The following LNP1 variants were observed in gnomAD, a reference collection of about 807,000 sequenced individuals.
LNP1 encodes leukemia NUP98 fusion partner 1.
A neutral mutation model predicts 14.5 loss-of-function variants in LNP1; 12 were observed. The ratio of observed to expected loss-of-function variants is 0.83; its 90% confidence interval spans 0.53 to 1.34. LNP1 has a LOEUF of 1.34. Ranked by LOEUF, LNP1 falls within the 40% of genes most tolerant of loss-of-function variation. The pLI, the probability that LNP1 is intolerant of heterozygous loss-of-function variation, is 0.00. For missense variants in LNP1, 198 were observed against 210.9 expected, an observed-to-expected ratio of 0.94 and a Z score of 0.38; for synonymous variants, 75 against 71.4, an observed-to-expected ratio of 1.05 and a Z score of -0.26.
At chr3:100,433,262 CCT>C (rs1014298922) in intron 2 of LNP1, among the ~76,000 whole-genome samples, 5 of 152,116 alleles carry the variant, frequency 3.3e-5, no homozygotes, top group African/African-American at 1.2e-4. Flanking sequence ...TGTTCCCCTC[CCT>C]ATGTCCATGT....
At chr3:100,430,331 A>C (rs1707230815) in intron 2 of LNP1, among the ~76,000 whole-genome samples, 1 of 152,188 alleles carries the variant, frequency 6.6e-6, no homozygotes, top group Non-Finnish European at 1.5e-5. Flanking sequence ...ACCTTTGAGA[A>C]ATTTGACATA....
At chr3:100,409,141 C>T (rs949782827) in intron 1 of LNP1, among the ~76,000 whole-genome samples, 3 of 152,060 alleles carry the variant, frequency 2.0e-5, no homozygotes, top group African/African-American at 7.2e-5. Flanking sequence ...CCAAATAGAA[C>T]AAAACTTGAC....
In LNP1 at chr3:100,418,699, C is replaced by T. The variant is rs545068322; in HGVS notation, c.-33-10998C>T. On this transcript the variant is annotated intron_variant, in intron 1 of 3. Coordinates refer to ENST00000383693, the MANE Select transcript of LNP1 (RefSeq NM_001085451.2). The stretch of plus-strand genomic sequence containing the variant: ...TCCCCATCCCATTTGGTTTTAGATC[C>T]GCTCTTTTCTTTATCTCTGTTGTCC... Among the ~76,000 whole-genome samples, 17 of 152,046 alleles carry T rather than the reference C, an allele frequency of 1.1e-4. 1 individual carries two copies. Among genetic ancestry groups the T allele is most frequent in the African/African-American group, 1.9e-4 (8 of 41,378 alleles).
chr3:100,434,215 T>A (rs890305468), intron 2 of LNP1, among the ~76,000 whole-genome samples: 1 of 152,218 alleles, frequency 6.6e-6, no homozygotes, highest in Non-Finnish European at 1.5e-5. Flanking sequence ...CATTTAAGTC[T>A]TTAATCCATC....
chr3:100,451,122 A>G (rs1707434204), intron 2 of LNP1, among the ~76,000 whole-genome samples: 1 of 151,994 alleles, frequency 6.6e-6, no homozygotes, highest in Non-Finnish European at 1.5e-5. Flanking sequence ...CAAAATGTGA[A>G]CCCCCAAAAT....
chr3:100,439,567 CA>C (rs1226858634), intron 2 of LNP1, among the ~76,000 whole-genome samples: 7 of 152,176 alleles, frequency 4.6e-5, no homozygotes. Context: ...GTTCAGTCAG[CA>C]CACATTCACA....
Position 100,455,839 on chromosome 3 carries a change from A to G in LNP1, c.450A>G (p.Arg150=). The G allele has an allele frequency of 6.2e-7, 1 of 1,614,122 alleles. No homozygotes were observed. Among genetic ancestry groups the G allele is most frequent in the Non-Finnish European group, 8.5e-7 (1 of 1,179,952 alleles). ...RECLRMEIKS[R]KKVEEERSSR... ...GCCTGAGGATGGAGATAAAATCCCG[A>G]AAGAAAGTAGAGGAAGAAAGGAGCT... Residue 150 remains arginine, a synonymous_variant, in exon 4 of 4, where the codon CGA becomes CGG. Transcript: ENST00000383693.
In LNP1 at chr3:100,456,055, G is replaced by T. The variant is rs1707508107; in HGVS notation, c.*129G>T. The T allele has an allele frequency of 6.5e-6, 6 of 918,812 alleles. No individual in the cohort carries two copies. Among genetic ancestry groups the T allele is most frequent in the Admixed American group, 2.5e-5 (1 of 39,526 alleles). 56.9% of individuals were successfully genotyped at this position (918,812 alleles called of 1,614,324 possible). A position where few individuals can be genotyped will look rare whatever the true frequency, so the allele number is the denominator to read the frequency against. Reference sequence around the variant, plus strand: ...AAAACAGCTATAAAAAGCAACTGCAGATGCTGACTGACTGCAGTGGGCAGG... The same window carrying T: ...AAAACAGCTATAAAAAGCAACTGCATATGCTGACTGACTGCAGTGGGCAGG... On this transcript the variant is annotated 3_prime_UTR_variant, in exon 4 of 4. Transcript: ENST00000383693.
At chr3:100,441,281 G>A (rs2148906083) in intron 2 of LNP1, among the ~76,000 whole-genome samples, 1 of 152,324 alleles carries the variant, frequency 6.6e-6, no homozygotes, top group East Asian at 1.9e-4. Context: ...AGACCAAAAA[G>A]TGCACAGAAT....
chr3:100,450,656 T>C (rs909855874), intron 2 of LNP1, among the ~76,000 whole-genome samples: 5 of 152,132 alleles, frequency 3.3e-5, no homozygotes, highest in African/African-American at 1.2e-4. Flanking sequence ...ATCTTAACTT[T>C]AGCCAAGACA....
chr3:100,451,613 A>G (rs547029958), intron 2 of LNP1, 106 bp from the exon 3 acceptor site: 2 of 627,664 alleles, frequency 3.2e-6, no homozygotes, highest in South Asian at 2.1e-5. Context: ...ATAATATATC[A>G]ATTCAACATG....
At chr3:100,404,559 T>G (rs1706945265) in intron 1 of LNP1, among the ~76,000 whole-genome samples, 1 of 152,224 alleles carries the variant, frequency 6.6e-6, no homozygotes, top group African/African-American at 2.4e-5. Context: ...TATTAGAATA[T>G]GTCTTCTTCT....
At chr3:100,415,451 A>G (rs1270951667) in intron 1 of LNP1, among the ~76,000 whole-genome samples, 1 of 152,248 alleles carries the variant, frequency 6.6e-6, no homozygotes, top group African/African-American at 2.4e-5. Context: ...TTTTGCATCT[A>G]CAATATTGGC....
chr3:100,445,098 C>A (rs1030467061), intron 2 of LNP1, among the ~76,000 whole-genome samples: 4 of 152,082 alleles, frequency 2.6e-5, no homozygotes, highest in Non-Finnish European at 5.9e-5. Flanking sequence ...CATGGTGAAA[C>A]CCCATCTCTA....
intron 1 of LNP1, among the ~76,000 whole-genome samples, chr3:100,404,745 A>G (rs1484707226): frequency 6.6e-6 from 1 of 150,544 alleles, no homozygotes; most frequent in East Asian, 1.9e-4. Context: ...TTTGTCAAAA[A>G]TATAACTCAT....
chr3:100,453,949 C>A (rs1707485062), intron 3 of LNP1, among the ~76,000 whole-genome samples: 1 of 152,170 alleles, frequency 6.6e-6, no homozygotes, highest in Non-Finnish European at 1.5e-5. Context: ...TACCGAGGTT[C>A]ATGTCCCTGT....
At chr3:100,431,992 T>TA (rs1707246938) in intron 2 of LNP1, among the ~76,000 whole-genome samples, 2 of 34,680 alleles carry the variant, frequency 5.8e-5, no homozygotes, top group Non-Finnish European at 1.5e-4. Flanking sequence ...GAGACCTTGT[T>TA]TATATATATA....
intron 2 of LNP1, among the ~76,000 whole-genome samples, chr3:100,447,887 A>G (rs1707403539): frequency 6.6e-6 from 1 of 152,116 alleles, no homozygotes; most frequent in East Asian, 1.9e-4. Context: ...ATAAGCTTTG[A>G]ATTAGACAAA....
intron 1 of LNP1, among the ~76,000 whole-genome samples, chr3:100,423,925 T>C (rs1707169125): frequency 6.6e-6 from 1 of 152,200 alleles, no homozygotes; most frequent in South Asian, 2.1e-4. Context: ...AGGAGTGGGC[T>C]GGAGCCTCCC....
Sources: allele counts gnomAD v4.1 joint callset (sites outside exome capture counted in the v4.1 genomes callset), GRCh38; gene constraint gnomAD v4.1.1; transcripts MANE v1.5; gene names NCBI Gene and HGNC (gene_info 2026-07-23, HGNC 2026-07-21).